The following DNER variants were observed in gnomAD, a reference collection of about 807,000 sequenced individuals.
The protein encoded by DNER is delta and Notch-like epidermal growth factor-related receptor.
Under a neutral mutation model 78.2 loss-of-function variants are expected in DNER, and 33 were observed. That is an observed-to-expected ratio of 0.42 (90% CI 0.32 to 0.56). DNER has a LOEUF of 0.56. DNER is among the 20% of genes least tolerant of loss of function. The pLI, the probability that DNER is intolerant of heterozygous loss-of-function variation, is 0.11. For synonymous variants in DNER, 417 were observed against 384.8 expected, an observed-to-expected ratio of 1.08 and a Z score of -0.98; for missense variants, 918 against 975.3, an observed-to-expected ratio of 0.94 and a Z score of 0.78.
Position 229,557,121 on chromosome 2 carries a change from G to A in DNER, c.848-10029C>T, listed in dbSNP as rs557298137. Among the ~76,000 whole-genome samples, 5 of 152,290 alleles carry A rather than the reference G, an allele frequency of 3.3e-5. No homozygotes were observed. In the South Asian group the frequency reaches 8.3e-4, roughly 25 times the overall value. ...TGTGCCCCTTACAAAGGGGCAGCAG[G>A]AAGAATCTGAAATGAAATAGAATTC... On this transcript the variant is annotated intron_variant, in intron 4 of 12. Transcript: ENST00000341772.
intron 5 of DNER, among the ~76,000 whole-genome samples, chr2:229,545,769 G>A (rs1378357052): frequency 6.6e-6 from 1 of 152,176 alleles, no homozygotes; most frequent in Non-Finnish European, 1.5e-5. Context: ...AGGGCTCAGG[G>A]TTCCCATAGT....
intron 1 of DNER, among the ~76,000 whole-genome samples, chr2:229,707,132 G>T (rs1699841061): frequency 6.6e-6 from 1 of 150,614 alleles, no homozygotes; most frequent in African/African-American, 2.4e-5. Flanking sequence ...TCCTGCCTCA[G>T]CCTCCTGAGT....
chr2:229,623,139 G>A (rs1698278923), intron 1 of DNER, among the ~76,000 whole-genome samples: 2 of 152,062 alleles, frequency 1.3e-5, no homozygotes. Context: ...CCTCATGGTG[G>A]GAGCATTCTC....
At chr2:229,498,296 A>T (rs2154211883) in intron 6 of DNER, among the ~76,000 whole-genome samples, 1 of 152,296 alleles carries the variant, frequency 6.6e-6, no homozygotes, top group African/African-American at 2.4e-5. Flanking sequence ...TAAAGGCCAT[A>T]TATGACAAGC....
In DNER at chr2:229,493,259, T is replaced by C. The variant is rs141412329; in HGVS notation, c.1148-16006A>G. On this transcript the variant is annotated intron_variant, in intron 6 of 12. Coordinates refer to ENST00000341772, the MANE Select transcript of DNER (RefSeq NM_139072.4). ...GTAGGAACAATGTAGTGCTTTGAAG[T>C]TGAAAAATGCTTTGCATAATGCTAA... Among the ~76,000 whole-genome samples the C allele has an allele frequency of 2.7e-3, 418 of 152,280 alleles. 4 individuals carry two copies. Among genetic ancestry groups the C allele is most frequent in the African/African-American group, 9.3e-3 (385 of 41,558 alleles).
intron 5 of DNER, among the ~76,000 whole-genome samples, chr2:229,520,945 G>T (rs1696082844): frequency 6.6e-6 from 1 of 152,218 alleles, no homozygotes; most frequent in Admixed American, 6.5e-5. Flanking sequence ...TTGAAGAAAA[G>T]GCTCAGCCAT....
chr2:229,383,508 G>A (rs1692793316), intron 11 of DNER, among the ~76,000 whole-genome samples: 1 of 152,106 alleles, frequency 6.6e-6, no homozygotes, highest in Non-Finnish European at 1.5e-5. Flanking sequence ...GCTGTATTCA[G>A]GAGACCCACC....
At chr2:229,684,719 T>A (rs12466507) in intron 1 of DNER, among the ~76,000 whole-genome samples, 21,049 of 152,152 alleles carry the variant, frequency 0.14, 1,708 homozygotes, top group East Asian at 0.33. Flanking sequence ...GGGGCAGTTT[T>A]CTTGGAGGTG....
intron 1 of DNER, among the ~76,000 whole-genome samples, chr2:229,689,654 C>T (rs998381870): frequency 5.9e-5 from 9 of 152,126 alleles, no homozygotes; most frequent in South Asian, 4.1e-4. Context: ...CCTTTAATCA[C>T]GGGGTGCTGG....
chr2:229,574,412 C>A (rs1165534945), intron 4 of DNER, among the ~76,000 whole-genome samples: 1 of 152,028 alleles, frequency 6.6e-6, no homozygotes, highest in Non-Finnish European at 1.5e-5. Context: ...CCTATACCAC[C>A]ACAAAGAAAA....
rs558016227 is a variant in DNER, at chr2:229,500,091, G to A, written c.1147+12692C>T. Among the ~76,000 whole-genome samples, 86 of 152,090 alleles carry A rather than the reference G, an allele frequency of 5.7e-4. No individual in the cohort carries two copies. The South Asian group carries it at 0.013, about 22-fold the overall frequency. ...TGGGACTACAGGCACTTGCCACCAC[G>A]CCCAACTAATTTTTTGTATTTTTAG... On this transcript the variant is annotated intron_variant, in intron 6 of 12. Transcript: ENST00000341772.
intron 6 of DNER, among the ~76,000 whole-genome samples, chr2:229,510,505 G>C (rs1695844432): frequency 6.6e-6 from 1 of 152,216 alleles, no homozygotes; most frequent in African/African-American, 2.4e-5. Context: ...TGGCAGTGGG[G>C]CTACAGAGGG....
intron 12 of DNER, among the ~76,000 whole-genome samples, chr2:229,359,690 T>C (rs1189754946): frequency 6.6e-6 from 1 of 152,190 alleles, no homozygotes; most frequent in Non-Finnish European, 1.5e-5. Flanking sequence ...TCTTTTCCTA[T>C]TTTTTCCTTT....
chr2:229,528,827 A>G (rs1009230926), intron 5 of DNER, among the ~76,000 whole-genome samples: 3 of 152,024 alleles, frequency 2.0e-5, no homozygotes, highest in African/African-American at 7.2e-5. Context: ...CTAAATTCCA[A>G]CCCTTACTGA....
intron 5 of DNER, among the ~76,000 whole-genome samples, chr2:229,528,076 T>C (rs1696239750): frequency 6.6e-6 from 1 of 152,220 alleles, no homozygotes; most frequent in Admixed American, 6.5e-5. Context: ...AAGTATCAAC[T>C]TTCTTCCAAC....
intron 8 of DNER, among the ~76,000 whole-genome samples, chr2:229,427,708 G>C (rs571060619): frequency 6.6e-6 from 1 of 152,232 alleles, no homozygotes; most frequent in South Asian, 2.1e-4. Flanking sequence ...AAAGACCCAC[G>C]GTAGAGGGAC....
chr2:229,605,884 C>T (rs903112858), intron 1 of DNER, among the ~76,000 whole-genome samples: 3 of 151,866 alleles, frequency 2.0e-5, no homozygotes, highest in African/African-American at 7.3e-5. Context: ...GGAGCAAGAC[C>T]CTGTCTCAAA....
intron 11 of DNER, among the ~76,000 whole-genome samples, chr2:229,387,547 GAAA>G (rs1692911099): frequency 6.8e-6 from 1 of 146,766 alleles, no homozygotes; most frequent in Admixed American, 6.8e-5. Context: ...AAGAAAGAAA[GAAA>G]GAAAGAAAGA....
chr2:229,629,326 GA>G (rs1698396719), intron 1 of DNER, among the ~76,000 whole-genome samples: 1 of 152,176 alleles, frequency 6.6e-6, no homozygotes. Flanking sequence ...TAATGCCTGA[GA>G]TGCACCATAA....
Sources: gnomAD v4.1 joint callset for allele counts (sites outside exome capture counted in the v4.1 genomes callset) on GRCh38, gnomAD v4.1.1 for gene constraint, MANE v1.5 for transcripts, NCBI Gene and HGNC (gene_info 2026-07-23, HGNC 2026-07-21) for gene names.